HPD: variants seen among roughly 807,000 people sequenced by gnomAD.
HPD encodes the protein 4-hydroxyphenylpyruvate dioxygenase, also known as 4-hydroxyphenylpyruvic acid oxidase.
Under a neutral mutation model 56.9 loss-of-function variants are expected in HPD, and 35 were observed. The observed-to-expected ratio is 0.62, with a 90% CI of 0.47 to 0.82. The LOEUF (loss-of-function observed/expected upper bound fraction) is 0.82. Among genes scored for constraint, HPD ranks in the 40% least tolerant of loss-of-function variants. The pLI is 0.00. For synonymous variants in HPD, 186 were observed against 200.2 expected (o/e 0.93, Z 0.60); for missense variants, 442 against 506.8 (o/e 0.87, Z 1.23).
chr12:121,839,556 G>T lies in HPD; in HGVS notation c.*172C>A. ...ACCGGGGCACGCTTTAATCGGGAGG[G>T]CTGGAGCAGAGGGCGGCCCCGCCGA... On this transcript the variant is annotated 3_prime_UTR_variant, in exon 14 of 14. Transcript: ENST00000289004. 1 of 643,770 alleles carries T rather than the reference G, an allele frequency of 1.6e-6. No homozygotes were observed. The highest frequency in any genetic ancestry group is 2.7e-5 in the East Asian group (1 of 36,900). The allele number at this position is 643,770 out of a possible 1,614,324, so 39.9% of individuals were successfully genotyped here. A position where few individuals can be genotyped will look rare whatever the true frequency, so the allele number is the denominator to read the frequency against.
rs146428624 is a variant in HPD, at chr12:121,854,685, G to T, written c.414+18C>A. 1.7e-5 allele frequency: 27 copies of T among 1,570,814 alleles called. No homozygotes were observed. The African/African-American group carries it at 3.5e-4, about 20-fold the overall frequency. On this transcript the variant is annotated intron_variant, in intron 7 of 13. Transcript: ENST00000289004. Reference sequence around the variant, plus strand: ...GGTGCCGACAGCAGGAGGGGTGGGGGCACCAAAGGGAACTCACCGTCTGCA... The same window carrying T: ...GGTGCCGACAGCAGGAGGGGTGGGGTCACCAAAGGGAACTCACCGTCTGCA...
chr12:121,853,038 A>C (rs2137625031), intron 7 of HPD, among the ~76,000 whole-genome samples: 1 of 152,278 alleles, frequency 6.6e-6, no homozygotes. Flanking sequence ...ACATGGATGG[A>C]GCTGGAAGCC....
chr12:121,858,295 C>T lies in HPD; in HGVS notation c.30+392G>A, dbSNP rs183253608. ...GATCCTAGGGTTCAAGTGATCTCCCCCACCTTAGCCTCCTGAGTAGCTGGG... is the reference window on the plus strand; with the variant it reads ...GATCCTAGGGTTCAAGTGATCTCCCTCACCTTAGCCTCCTGAGTAGCTGGG... On this transcript the variant is annotated intron_variant, in intron 2 of 13. Transcript: ENST00000289004. 2.9e-3 allele frequency among the ~76,000 whole-genome samples: 437 copies of T among 152,216 alleles called. 4 individuals are homozygous for T. The highest frequency in any genetic ancestry group is 0.024 in the Admixed American group (370 of 15,262).
Position 121,846,948 on chromosome 12 carries a change from CAAG to C in HPD, c.760-18_760-16del, listed in dbSNP as rs1231759368. 6.2e-6 allele frequency: 10 copies of C among 1,613,836 alleles called. No homozygotes were observed. The Admixed American group carries it at 6.7e-5, about 11-fold the overall frequency. Reference sequence around the variant, plus strand: ...TCCACATATTCCTGGGGGAGGGAAACAAGGAGACCACTGTCATTTGCCCCATCA... The same window carrying C: ...TCCACATATTCCTGGGGGAGGGAAACGAGACCACTGTCATTTGCCCCATCA... On this transcript the variant is annotated splice_polypyrimidine_tract_variant and intron_variant, in intron 10 of 13. Coordinates refer to ENST00000289004, the MANE Select transcript of HPD (RefSeq NM_002150.3).
intron 2 of HPD, 90 bp downstream of exon 2, chr12:121,858,597 C>T: frequency 7.8e-7 from 1 of 1,285,410 alleles, no homozygotes; most frequent in Admixed American, 1.7e-5. Flanking sequence ...AGTCCTTCCT[C>T]TTCTGCTCTC....
At chr12:121,870,685 C>T in the HPD span, among the ~76,000 whole-genome samples, 2 of 150,132 alleles carry the variant, frequency 1.3e-5, no homozygotes, top group African/African-American at 4.9e-5. Context: ...CAACCTCTGC[C>T]TCCTGGGTTC....
chr12:121,876,976 C>T, the HPD span, among the ~76,000 whole-genome samples: 1 of 151,836 alleles, frequency 6.6e-6, no homozygotes, highest in Non-Finnish European at 1.5e-5. Flanking sequence ...CGCCTGTAAG[C>T]CCAGCTACAA....
chr12:121,857,498 A>C lies in HPD; in HGVS notation c.94-66T>G. ...GGCCAGCATGGGGGACTTCCGCAAGAGAGCCCCTGGCCCCCCTCAGCCTGC... is the reference window on the plus strand; with the variant it reads ...GGCCAGCATGGGGGACTTCCGCAAGCGAGCCCCTGGCCCCCCTCAGCCTGC... On this transcript the variant is annotated intron_variant, in intron 3 of 13. Transcript: ENST00000289004. The C allele has an allele frequency of 3.2e-6, 4 of 1,260,608 alleles. No homozygotes were observed. In the South Asian group the frequency reaches 4.8e-5, roughly 15 times the overall value. The allele number at this position is 1,260,608 out of a possible 1,614,324, so 78.1% of individuals were successfully genotyped here. A position where few individuals can be genotyped will look rare whatever the true frequency, so the allele number is the denominator to read the frequency against.
At chr12:121,883,230 G>A in the HPD span, among the ~76,000 whole-genome samples, 1 of 140,606 alleles carries the variant, frequency 7.1e-6, no homozygotes. Context: ...GTGTGTGTGT[G>A]TGTGTGGTGG....
chr12:121,873,619 C>G, the HPD span, among the ~76,000 whole-genome samples: 1 of 151,588 alleles, frequency 6.6e-6, no homozygotes, highest in South Asian at 2.1e-4. Context: ...GAGATCGAGA[C>G]CATCCTGGAT....
chr12:121,883,132 A>C, the HPD span, among the ~76,000 whole-genome samples: 1 of 151,752 alleles, frequency 6.6e-6, no homozygotes, highest in Admixed American at 6.6e-5. Context: ...AGACTGAGCA[A>C]AAAACGTGCC....
the HPD span, among the ~76,000 whole-genome samples, chr12:121,869,648 C>A: frequency 3.3e-4 from 49 of 150,678 alleles, no homozygotes; most frequent in Non-Finnish European, 5.3e-4. Context: ...CCTCAGCCTC[C>A]TGAGTAGCTA....
rs137852868 is a variant in HPD at position 121,839,998 on chromosome 12, G to C, written c.1005C>G (p.Ile335Met). The change falls in exon 13 of 14, where the codon ATC (isoleucine) becomes ATG (methionine). Residue 335 changes from isoleucine (I) to methionine (M), a missense_variant. Ile to Met is a conservative substitution (Grantham distance 10, BLOSUM62 1). Coordinates refer to ENST00000289004, the MANE Select transcript of HPD (RefSeq NM_002150.3). ...GCCGGTCCTGCACCGGTTTGGTGAA[G>C]ATCTGCAGGAGGTAGCCTTTCTCGT... ...DYDEKGYLLQ[I>M]FTKPVQDRPT... 2,677 of 1,613,954 alleles carry C rather than the reference G, an allele frequency of 1.7e-3. 11 individuals carry two copies. Among genetic ancestry groups the C allele is most frequent in the Middle Eastern group, 7.6e-3 (46 of 6,058 alleles).
upstream of HPD, among the ~76,000 whole-genome samples, chr12:121,865,266 T>TCTTC (rs1168213847): frequency 4.4e-5 from 1 of 22,956 alleles, no homozygotes; most frequent in African/African-American, 3.0e-4. Context: ...ACACTCTCTT[T>TCTTC]CTTTCTTTCT....
chr12:121,876,233 C>T, the HPD span, among the ~76,000 whole-genome samples: 1 of 152,136 alleles, frequency 6.6e-6, no homozygotes, highest in Non-Finnish European at 1.5e-5. Context: ...ATCGCTGGAA[C>T]CCAGGAAGTG....
the HPD span, among the ~76,000 whole-genome samples, chr12:121,876,487 G>A: frequency 6.6e-6 from 1 of 152,218 alleles, no homozygotes; most frequent in African/African-American, 2.4e-5. Flanking sequence ...ATCAAGGCCC[G>A]GGGTACATCA....
rs367674632 is a variant in HPD, at chr12:121,857,775, C to T, written c.75G>A (p.Trp25Ter). The change falls in exon 3 of 14, where the codon TGG becomes TGA. Residue 25 changes from tryptophan to a stop codon, truncating the protein, a stop_gained. Transcript: ENST00000289004. LOFTEE classifies it high-confidence loss of function. ...RFLHFHSVTF[W>*]VGNAKQATSF... is the part of the protein sequence containing the mutation. Reference sequence around the variant, plus strand: ...CTTCTACCTGCTTGGCGTTGCCAACCCAGAAGGTCACAGAGTGGAAGTGGA... The same window carrying T: ...CTTCTACCTGCTTGGCGTTGCCAACTCAGAAGGTCACAGAGTGGAAGTGGA... The T allele has an allele frequency of 2.0e-5, 32 of 1,613,902 alleles. No homozygotes were observed. In the South Asian group the frequency reaches 3.3e-4, roughly 17 times the overall value.
intron 3 of HPD, 151 bp downstream of exon 3, chr12:121,857,606 C>A: frequency 1.2e-6 from 1 of 834,006 alleles, no homozygotes; most frequent in Non-Finnish European, 2.0e-6. Context: ...AACTTTCCCG[C>A]TGGTGTAATT....
At chr12:121,867,804 C>T (rs2137647045), upstream of HPD, among the ~76,000 whole-genome samples, 1 of 152,164 alleles carries the variant, frequency 6.6e-6, no homozygotes, top group East Asian at 1.9e-4. Context: ...TTACAGGTGT[C>T]AGCCACCGTG....
Sources: allele counts gnomAD v4.1 joint callset (sites outside exome capture counted in the v4.1 genomes callset), GRCh38; gene constraint gnomAD v4.1.1; transcripts MANE v1.5; gene names NCBI Gene and HGNC (gene_info 2026-07-23, HGNC 2026-07-21).